CCDC148: variants seen among roughly 807,000 people sequenced by gnomAD.
CCDC148 encodes coiled-coil domain containing 148.
A neutral mutation model predicts 85.7 loss-of-function variants in CCDC148; 89 were observed. That is an observed-to-expected ratio of 1.04 (90% CI 0.87 to 1.24). The LOEUF is 1.24. Among genes scored for constraint, CCDC148 ranks in the 50% most tolerant of loss-of-function variants. CCDC148 has a pLI of 0.00. For missense variants in CCDC148, 692 were observed against 671.7 expected (o/e 1.03, Z -0.33); for synonymous variants, 230 against 213.9 (o/e 1.08, Z -0.66).
chr2:158,269,430 C>T (rs1343681125), intron 9 of CCDC148, among the ~76,000 whole-genome samples: 1 of 152,180 alleles, frequency 6.6e-6, no homozygotes, highest in Non-Finnish European at 1.5e-5. Context: ...TCACTTGTGC[C>T]ATGTATCTCA....
chr2:158,439,318 C>G (rs1226090591), intron 1 of CCDC148, among the ~76,000 whole-genome samples: 1 of 151,714 alleles, frequency 6.6e-6, no homozygotes, highest in Non-Finnish European at 1.5e-5. Flanking sequence ...GAGTTCATGT[C>G]CTTTGTAGGG....
At chr2:158,341,934 CT>C (rs1173047321) in intron 3 of CCDC148, among the ~76,000 whole-genome samples, 120 of 114,606 alleles carry the variant, frequency 1.0e-3, no homozygotes, top group African/African-American at 3.6e-3. Flanking sequence ...CTAACACTAA[CT>C]TTTTTTTTAG....
At chr2:158,276,405 G>T (rs1285954280) in intron 9 of CCDC148, among the ~76,000 whole-genome samples, 1 of 152,090 alleles carries the variant, frequency 6.6e-6, no homozygotes, top group Admixed American at 6.6e-5. Flanking sequence ...CTGCACTCCA[G>T]CCTGGGAGAC....
chr2:158,309,592 C>T lies in CCDC148; in HGVS notation c.951G>A (p.Gln317=). ...TCCAATTTGATATCAGGATATTTTG[C>T]TGCTCTATAGCAAAGCGATATTGGT... The part of the protein sequence containing the change: ...YCDQYRFAIE[Q]QNILISNWNK... Residue 317 remains glutamine (Q), a synonymous_variant, in exon 9 of 14, where the codon CAG becomes CAA. Transcript: ENST00000283233. 1 of 1,613,892 alleles carries T rather than the reference C, an allele frequency of 6.2e-7. No individual in the cohort carries two copies. The highest frequency in any genetic ancestry group is 8.5e-7 in the Non-Finnish European group (1 of 1,179,812).
intron 7 of CCDC148, among the ~76,000 whole-genome samples, chr2:158,333,260 G>T (rs1057240987): frequency 1.3e-5 from 2 of 152,064 alleles, no homozygotes; most frequent in Non-Finnish European, 2.9e-5. Flanking sequence ...ATTTATTTCT[G>T]CCTTGATTTT....
chr2:158,340,441 T>A, intron 4 of CCDC148, 48 bp from the exon 5 acceptor site: 1 of 1,593,246 alleles, frequency 6.3e-7, no homozygotes, highest in Non-Finnish European at 8.6e-7. Context: ...TTATTTTAAG[T>A]GTCTCCAAAA....
intron 10 of CCDC148, among the ~76,000 whole-genome samples, chr2:158,244,984 T>G (rs571705792): frequency 6.6e-6 from 1 of 152,284 alleles, no homozygotes; most frequent in East Asian, 1.9e-4. Flanking sequence ...CAGTATACTA[T>G]TAGAATAAAA....
chr2:158,223,231 G>A (rs772982098), intron 10 of CCDC148, among the ~76,000 whole-genome samples: 2 of 152,186 alleles, frequency 1.3e-5, no homozygotes, highest in African/African-American at 4.8e-5. Context: ...TAGCACAGCA[G>A]TCTTAGATCA....
intron 1 of CCDC148, among the ~76,000 whole-genome samples, chr2:158,450,727 A>C (rs1167704257): frequency 1.3e-5 from 2 of 151,078 alleles, no homozygotes; most frequent in African/African-American, 4.9e-5. Context: ...GCTGCCTCAA[A>C]ATTTTCTTGT....
chr2:158,379,030 C>T (rs1684768487), intron 1 of CCDC148, among the ~76,000 whole-genome samples: 1 of 152,122 alleles, frequency 6.6e-6, no homozygotes, highest in Admixed American at 6.6e-5. Flanking sequence ...AAGGCTATAG[C>T]TGCCATAGAT....
intron 9 of CCDC148, among the ~76,000 whole-genome samples, chr2:158,300,265 G>C (rs1444422357): frequency 6.6e-6 from 1 of 152,126 alleles, no homozygotes; most frequent in Non-Finnish European, 1.5e-5. Flanking sequence ...AATGCCTAAG[G>C]CTTATCCACT....
intron 10 of CCDC148, among the ~76,000 whole-genome samples, chr2:158,222,505 T>C (rs1687242857): frequency 6.6e-6 from 1 of 152,088 alleles, no homozygotes; most frequent in Admixed American, 6.6e-5. Flanking sequence ...TTTTCAGTGC[T>C]TTCCACTGAG....
intron 9 of CCDC148, among the ~76,000 whole-genome samples, chr2:158,284,352 T>A (rs1440643049): frequency 6.6e-6 from 1 of 152,114 alleles, no homozygotes; most frequent in Non-Finnish European, 1.5e-5. Flanking sequence ...AAAATAACTA[T>A]TCAGTATTTT....
intron 1 of CCDC148, among the ~76,000 whole-genome samples, chr2:158,427,036 G>A (rs1687109234): frequency 6.6e-6 from 1 of 151,982 alleles, no homozygotes; most frequent in Non-Finnish European, 1.5e-5. Flanking sequence ...CCTTTTCTCT[G>A]ACCAAAAATG....
chr2:158,358,629 A>G (rs1683783416), intron 1 of CCDC148, 59 bp from the exon 2 acceptor site: 2 of 1,239,216 alleles, frequency 1.6e-6, no homozygotes, highest in Non-Finnish European at 2.2e-6. Context: ...TTGGAAGTCA[A>G]AATATAATTA....
At chr2:158,448,184 T>C (rs904144066) in intron 1 of CCDC148, among the ~76,000 whole-genome samples, 4 of 152,164 alleles carry the variant, frequency 2.6e-5, no homozygotes, top group African/African-American at 9.6e-5. Context: ...CAACTGATTG[T>C]AAATATATTA....
At chr2:158,376,736 T>A (rs1383025542) in intron 1 of CCDC148, among the ~76,000 whole-genome samples, 2 of 151,620 alleles carry the variant, frequency 1.3e-5, no homozygotes, top group South Asian at 2.1e-4. Flanking sequence ...GGAAAAAAAA[T>A]TTCCTTATTT....
At chr2:158,444,785 G>GA (rs11433320) in intron 1 of CCDC148, among the ~76,000 whole-genome samples, 27,705 of 66,724 alleles carry the variant, frequency 0.42, 6,243 homozygotes, top group South Asian at 0.52. Context: ...ACCCTGTCTT[G>GA]AAAAAAAAAA....
At chr2:158,310,723 G>C (rs1303405076) in intron 8 of CCDC148, among the ~76,000 whole-genome samples, 1 of 149,586 alleles carries the variant, frequency 6.7e-6, no homozygotes, top group South Asian at 2.1e-4. Flanking sequence ...CCTCCCAGAC[G>C]GGGCGGCCGG....
Sources: allele counts gnomAD v4.1 joint callset (sites outside exome capture counted in the v4.1 genomes callset), GRCh38; gene constraint gnomAD v4.1.1; transcripts MANE v1.5; gene names NCBI Gene and HGNC (gene_info 2026-07-23, HGNC 2026-07-21).